Variants in CSNK2A1 observed in about 807,000 individuals in gnomAD.
CSNK2A1 encodes the protein casein kinase II subunit alpha.
A neutral mutation model predicts 62.9 loss-of-function variants in CSNK2A1; 10 were observed. The ratio of observed to expected loss-of-function variants is 0.16; its 90% CI spans 0.10 to 0.27. The LOEUF is 0.27. Among genes scored for constraint, CSNK2A1 ranks in the 10% least tolerant of loss-of-function variants. CSNK2A1 has a pLI of 1.00. For missense variants in CSNK2A1, 160 were observed against 492.0 expected, an observed-to-expected ratio of 0.33 and a Z score of 6.38; for synonymous variants, 124 against 167.8, an observed-to-expected ratio of 0.74 and a Z score of 2.02.
At chr20:493,941 G>C (rs1304239296) in intron 8 of CSNK2A1, among the ~76,000 whole-genome samples, 1 of 151,504 alleles carries the variant, frequency 6.6e-6, no homozygotes, top group Non-Finnish European at 1.5e-5. Flanking sequence ...TTATTGCTGA[G>C]AAATACTACT....
intron 10 of CSNK2A1, chr20:488,986 C>T (rs146547796): frequency 2.5e-4 from 109 of 436,158 alleles, no homozygotes; most frequent in African/African-American, 2.2e-3. Flanking sequence ...AAATGTCACC[C>T]TGGTGAACCC....
intron 2 of CSNK2A1, among the ~76,000 whole-genome samples, chr20:508,914 T>G (rs1379202781): frequency 6.6e-6 from 1 of 152,224 alleles, no homozygotes; most frequent in Non-Finnish European, 1.5e-5. Flanking sequence ...AAAATTTGAA[T>G]GATTTTTGTA....
intron 1 of CSNK2A1, among the ~76,000 whole-genome samples, chr20:533,010 C>T (rs940830991): frequency 2.0e-5 from 3 of 152,148 alleles, no homozygotes; most frequent in Non-Finnish European, 4.4e-5. Context: ...TCTCTTTTCC[C>T]ATGTCAATTT....
chr20:534,054 T>C (rs1367084163), intron 1 of CSNK2A1, among the ~76,000 whole-genome samples: 3 of 152,168 alleles, frequency 2.0e-5, no homozygotes, highest in African/African-American at 4.8e-5. Context: ...TAAAGAAAAA[T>C]TCAGCACTTA....
chr20:484,224 C>A, intron 13 of CSNK2A1, 148 bp from the exon 14 acceptor site: 2 of 589,480 alleles, frequency 3.4e-6, no homozygotes, highest in Non-Finnish European at 5.5e-6. Flanking sequence ...CAAGTCTGAC[C>A]CTCACAAATT....
chr20:486,648 T>C, intron 12 of CSNK2A1, 186 bp from the exon 13 acceptor site: 1 of 545,664 alleles, frequency 1.8e-6, no homozygotes, highest in Non-Finnish European at 3.2e-6. Context: ...AGAAATAGCT[T>C]TCCTATCAAA....
intron 2 of CSNK2A1, among the ~76,000 whole-genome samples, chr20:517,193 C>G (rs1285311198): frequency 6.6e-6 from 1 of 152,164 alleles, no homozygotes; most frequent in Admixed American, 6.5e-5. Context: ...TCAAACTTGC[C>G]CATTTCCCTT....
chr20:494,567 G>C (rs2018306308), intron 8 of CSNK2A1: 2 of 152,116 alleles, frequency 1.3e-5, no homozygotes, highest in African/African-American at 4.8e-5. Flanking sequence ...GCCAGCACTT[G>C]GTACCATCAC....
chr20:500,139 A>C, intron 4 of CSNK2A1: 2 of 535,572 alleles, frequency 3.7e-6, no homozygotes, highest in Non-Finnish European at 6.6e-6. Flanking sequence ...AATTGAAAGA[A>C]AAAAAGATTT....
chr20:487,737 C>T (rs1470616359), intron 11 of CSNK2A1, 162 bp from the exon 12 acceptor site: 45 of 862,826 alleles, frequency 5.2e-5, no homozygotes, highest in Non-Finnish European at 7.4e-5. Flanking sequence ...AGTGGGACAA[C>T]AAAGCTAACT....
At chr20:506,798 T>A (rs181816308) in intron 3 of CSNK2A1, 1 of 152,084 alleles carries the variant, frequency 6.6e-6, no homozygotes, top group Non-Finnish European at 1.5e-5. Flanking sequence ...TCTCTTCCTA[T>A]GGGAGGGCAT....
intron 9 of CSNK2A1, among the ~76,000 whole-genome samples, chr20:491,580 A>C (rs879443589): frequency 6.6e-6 from 1 of 152,108 alleles, no homozygotes; most frequent in Non-Finnish European, 1.5e-5. Context: ...CTAAGCTGGA[A>C]GGATCACTTG....
intron 2 of CSNK2A1, among the ~76,000 whole-genome samples, chr20:521,624 A>G (rs2018949854): frequency 1.3e-5 from 2 of 152,260 alleles, no homozygotes; most frequent in African/African-American, 4.8e-5. Context: ...AGGCAGCTTT[A>G]TTCATAATTG....
intron 2 of CSNK2A1, among the ~76,000 whole-genome samples, chr20:512,504 A>T (rs1186592998): frequency 6.6e-6 from 1 of 152,210 alleles, no homozygotes; most frequent in Non-Finnish European, 1.5e-5. Context: ...AAGAGAAGCC[A>T]GAAGAGATAC....
chr20:496,987 AT>A (rs1156259098), intron 7 of CSNK2A1, among the ~76,000 whole-genome samples: 1 of 152,162 alleles, frequency 6.6e-6, no homozygotes, highest in African/African-American at 2.4e-5. Context: ...AGTTTTGAAA[AT>A]TTAATATTAA....
intron 2 of CSNK2A1, among the ~76,000 whole-genome samples, chr20:524,015 T>C (rs923414230): frequency 2.0e-5 from 3 of 151,960 alleles, no homozygotes; most frequent in African/African-American, 7.3e-5. Flanking sequence ...CTTGAATCTA[T>C]GTATGTATTA....
Position 499,994 on chromosome 20 carries a change from A to C in CSNK2A1, c.214-60T>G, listed in dbSNP as rs2018427564. On this transcript the variant is annotated intron_variant, in intron 4 of 13. Transcript: ENST00000217244. The surrounding 1 kb of genome is among the most constrained non-coding windows in gnomAD (Gnocchi z 4.2). ...AAAAAAAATTTTTTCAGAGTATTTC[A>C]ACACGTAGTGTAATACATAAATGAT... 3.1e-5 allele frequency: 42 copies of C among 1,350,202 alleles called. No individual in the cohort carries two copies. In the South Asian group the frequency reaches 4.8e-4, roughly 16 times the overall value. The allele number at this position is 1,350,202 out of a possible 1,614,324, so 83.6% of individuals were successfully genotyped here. A position where few individuals can be genotyped will look rare whatever the true frequency, so the allele number is the denominator to read the frequency against.
intron 2 of CSNK2A1, among the ~76,000 whole-genome samples, chr20:516,950 G>A (rs1568543650): frequency 6.6e-6 from 1 of 152,144 alleles, no homozygotes; most frequent in Non-Finnish European, 1.5e-5. Context: ...CTATAGCAAA[G>A]AATGAGGAAT....
chr20:493,313 C>T (rs543774889), intron 8 of CSNK2A1, among the ~76,000 whole-genome samples: 1 of 152,302 alleles, frequency 6.6e-6, no homozygotes, highest in East Asian at 1.9e-4. Context: ...ACCACCACCT[C>T]TTGTTTGATA....
Sources: gnomAD v4.1 joint callset for allele counts (sites outside exome capture counted in the v4.1 genomes callset) on GRCh38, gnomAD v4.1.1 for gene constraint, Gnocchi (gnomAD v3.1) non-coding constraint, MANE v1.5 for transcripts, NCBI Gene and HGNC (gene_info 2026-07-23, HGNC 2026-07-21) for gene names.